The following MRTFA variants were observed in gnomAD, a reference collection of about 807,000 sequenced individuals.
The protein encoded by MRTFA is myocardin related transcription factor A.
MRTFA carries 20 observed loss-of-function variants against 83.5 expected under a neutral mutation model. The observed-to-expected ratio is 0.24, with a 90% CI of 0.17 to 0.35. The LOEUF is 0.35. Ranked by LOEUF, MRTFA falls within the 10% of genes least tolerant of loss-of-function variation. The probability of loss-of-function intolerance (pLI) is 1.00; values close to 1 mark genes in which losing one functional copy is unlikely to be tolerated. For synonymous variants in MRTFA, 659 were observed against 541.2 expected, an observed-to-expected ratio of 1.22 and a Z score of -3.02; for missense variants, 1,200 against 1,224.7, an observed-to-expected ratio of 0.98 and a Z score of 0.30.
At chr22:40,583,635 G>C (rs1264407461) in intron 2 of MRTFA, among the ~76,000 whole-genome samples, 1 of 152,210 alleles carries the variant, frequency 6.6e-6, no homozygotes, top group Non-Finnish European at 1.5e-5. Context: ...CCTCCTGTCA[G>C]ATCAGCAGTG....
chr22:40,587,544 C>A, intron 2 of MRTFA: 1 of 286,848 alleles, frequency 3.5e-6, no homozygotes, highest in Non-Finnish European at 6.9e-6. Flanking sequence ...CTCTGACCAC[C>A]AAAAAAAGTT....
chr22:40,533,732 G>A, intron 3 of MRTFA: 2 of 600,080 alleles, frequency 3.3e-6, no homozygotes, highest in East Asian at 6.9e-5. Context: ...AATTCAATCT[G>A]ATGCCTTATG....
intron 7 of MRTFA, among the ~76,000 whole-genome samples, chr22:40,426,737 G>A (rs1165014903): frequency 6.6e-6 from 1 of 152,154 alleles, no homozygotes; most frequent in Non-Finnish European, 1.5e-5. Flanking sequence ...CCATCCCTGA[G>A]AGAAGTCCCT....
intron 1 of MRTFA, among the ~76,000 whole-genome samples, chr22:40,595,863 C>CTTTT (rs35215701): frequency 2.9e-4 from 23 of 78,114 alleles, no homozygotes; most frequent in South Asian, 1.1e-3. Context: ...TATCTAAAGT[C>CTTTT]TTTTTTTTTT....
chr22:40,445,253 C>G (rs899987783), intron 4 of MRTFA, among the ~76,000 whole-genome samples: 1 of 152,094 alleles, frequency 6.6e-6, no homozygotes, highest in Non-Finnish European at 1.5e-5. Flanking sequence ...GACCAGTTAT[C>G]TTTTAGCCAT....
intron 4 of MRTFA, among the ~76,000 whole-genome samples, chr22:40,454,738 A>G (rs1046190519): frequency 3.3e-5 from 5 of 152,194 alleles, no homozygotes; most frequent in Non-Finnish European, 5.9e-5. Context: ...CTAACTCCTA[A>G]GTAACAGAGC....
At chr22:40,501,726 G>A (rs2054480000) in intron 3 of MRTFA, among the ~76,000 whole-genome samples, 1 of 51,700 alleles carries the variant, frequency 1.9e-5, no homozygotes, top group Non-Finnish European at 3.8e-5. Flanking sequence ...CCGGGCAGAG[G>A]GGCTCCTCAC....
At chr22:40,500,874 T>C (rs927361265) in intron 3 of MRTFA, among the ~76,000 whole-genome samples, 6 of 151,146 alleles carry the variant, frequency 4.0e-5, no homozygotes, top group Non-Finnish European at 7.4e-5. Flanking sequence ...AAAGCCGCCA[T>C]TGTCATCCTG....
intron 4 of MRTFA, among the ~76,000 whole-genome samples, chr22:40,449,945 G>A (rs572930116): frequency 6.6e-6 from 1 of 152,328 alleles, no homozygotes; most frequent in African/African-American, 2.4e-5. Context: ...CTACAGAAAT[G>A]TAGTCCTTGG....
intron 4 of MRTFA, among the ~76,000 whole-genome samples, 191 bp downstream of exon 4, chr22:40,463,030 G>T (rs2053742886): frequency 6.6e-6 from 1 of 152,284 alleles, no homozygotes; most frequent in African/African-American, 2.4e-5. Context: ...TTGTTTCACT[G>T]AACTTGATCA....
chr22:40,451,916 C>T (rs1354592016), intron 4 of MRTFA, among the ~76,000 whole-genome samples: 2 of 151,076 alleles, frequency 1.3e-5, no homozygotes, highest in Non-Finnish European at 2.9e-5. Flanking sequence ...ATACAAATTC[C>T]AGGTCACCTG....
At chr22:40,441,440 A>G (rs1395102528) in intron 4 of MRTFA, among the ~76,000 whole-genome samples, 4 of 152,288 alleles carry the variant, frequency 2.6e-5, no homozygotes, top group Non-Finnish European at 5.9e-5. Context: ...GTCATTTGTC[A>G]ATTAAAGATA....
Position 40,626,866 on chromosome 22 carries a change from A to AACACACACACACAC in MRTFA, c.-84+9598_-84+9611dup, listed in dbSNP as rs141945541. Among the ~76,000 whole-genome samples the AACACACACACACAC allele has an allele frequency of 7.0e-4, 101 of 145,224 alleles. 1 individual carries two copies. Among genetic ancestry groups the AACACACACACACAC allele is most frequent in the African/African-American group, 2.4e-3 (96 of 39,194 alleles). On this transcript the variant is annotated intron_variant, in intron 1 of 14. Coordinates refer to ENST00000355630, the MANE Select transcript of MRTFA (RefSeq NM_020831.6). ...TGTATCAGAATGAGACCCTGTCTCA[A>AACACACACACACAC]ACACACACACACACACACACACACA...
At chr22:40,634,387 C>G (rs1016607934) in intron 1 of MRTFA, among the ~76,000 whole-genome samples, 6 of 152,222 alleles carry the variant, frequency 3.9e-5, no homozygotes, top group African/African-American at 1.4e-4. Flanking sequence ...GCCACTGTGC[C>G]CCGCCTATCA....
intron 3 of MRTFA, among the ~76,000 whole-genome samples, chr22:40,536,482 G>C (rs1279560352): frequency 2.8e-5 from 4 of 143,626 alleles, no homozygotes; most frequent in African/African-American, 1.0e-4. Context: ...CGCCTGCCTT[G>C]GCCTCCCAAA....
intron 3 of MRTFA, chr22:40,523,708 T>C (rs890834593): frequency 5.9e-5 from 9 of 152,312 alleles, no homozygotes; most frequent in Admixed American, 3.3e-4. Flanking sequence ...GCATTCCTAA[T>C]AGGCTTCCAG....
At chr22:40,456,146 C>A (rs1055324325) in intron 4 of MRTFA, among the ~76,000 whole-genome samples, 19 of 151,992 alleles carry the variant, frequency 1.3e-4, no homozygotes, top group Admixed American at 7.2e-4. Context: ...CAAATCATAA[C>A]CCCTTCCGGT....
chr22:40,615,838 C>T (rs2056442953), intron 1 of MRTFA, among the ~76,000 whole-genome samples: 1 of 152,044 alleles, frequency 6.6e-6, no homozygotes, highest in African/African-American at 2.4e-5. Flanking sequence ...ATGGCCACCA[C>T]CATGCCCAGC....
chr22:40,456,725 G>C (rs1447022919), intron 4 of MRTFA, among the ~76,000 whole-genome samples: 1 of 152,070 alleles, frequency 6.6e-6, no homozygotes, highest in African/African-American at 2.4e-5. Context: ...GTTTTCTTTT[G>C]GCTCATTTTA....
Sources: gnomAD v4.1 joint callset for allele counts (sites outside exome capture counted in the v4.1 genomes callset) on GRCh38, gnomAD v4.1.1 for gene constraint, MANE v1.5 for transcripts, NCBI Gene and HGNC (gene_info 2026-07-23, HGNC 2026-07-21) for gene names.